The following E2F5 variants were observed in gnomAD, a reference collection of about 807,000 sequenced individuals.
E2F5 encodes the protein E2F transcription factor 5.
A neutral mutation model predicts 39.1 loss-of-function variants in E2F5; 23 were observed. That is an observed-to-expected ratio of 0.59 (90% CI 0.42 to 0.83). The LOEUF is 0.83. Ranked by LOEUF, E2F5 falls within the 40% of genes least tolerant of loss-of-function variation. The pLI is 0.00. For synonymous variants in E2F5, 145 were observed against 157.8 expected (o/e 0.92, Z 0.61); for missense variants, 365 against 406.7 (o/e 0.90, Z 0.88).
At chr8:85,207,136 C>T (rs906343211) in intron 4 of E2F5, among the ~76,000 whole-genome samples, 1 of 152,212 alleles carries the variant, frequency 6.6e-6, no homozygotes, top group Admixed American at 6.5e-5. Flanking sequence ...GAATCTCAGA[C>T]TTTACAGGAG....
At chr8:85,207,795 A>T (rs896574713) in intron 5 of E2F5, among the ~76,000 whole-genome samples, 3 of 152,230 alleles carry the variant, frequency 2.0e-5, no homozygotes, top group Non-Finnish European at 2.9e-5. Flanking sequence ...TTTGTTTCAT[A>T]CAAAAATTAA....
At chr8:85,181,871 G>T (rs1240985265) in intron 1 of E2F5, among the ~76,000 whole-genome samples, 1 of 151,390 alleles carries the variant, frequency 6.6e-6, no homozygotes, top group Non-Finnish European at 1.5e-5. Context: ...TGAAGCAGGA[G>T]AATCGCTTGA....
At chr8:85,212,231 C>T in intron 7 of E2F5, 27 bp downstream of exon 7, 1 of 1,515,106 alleles carries the variant, frequency 6.6e-7, no homozygotes, top group Non-Finnish European at 9.1e-7. Context: ...TTTACTAACT[C>T]ACTTATCAGT....
chr8:85,190,259 C>T (rs1812431656), intron 1 of E2F5, among the ~76,000 whole-genome samples: 1 of 152,088 alleles, frequency 6.6e-6, no homozygotes, highest in Non-Finnish European at 1.5e-5. Context: ...CACACACACA[C>T]ACCCCACCAC....
intron 3 of E2F5, among the ~76,000 whole-genome samples, chr8:85,204,156 C>T (rs918953037): frequency 3.3e-5 from 5 of 152,088 alleles, no homozygotes; most frequent in African/African-American, 1.2e-4. Context: ...AAGCTGTGTT[C>T]TGTGGAGCTC....
chr8:85,201,962 G>T, intron 1 of E2F5, 185 bp from the exon 2 acceptor site: 1 of 577,114 alleles, frequency 1.7e-6, no homozygotes, highest in Non-Finnish European at 3.0e-6. Flanking sequence ...GCTTTTAAAT[G>T]GAATAATTTC....
chr8:85,182,977 C>T (rs1812251707), intron 1 of E2F5, among the ~76,000 whole-genome samples: 1 of 152,168 alleles, frequency 6.6e-6, no homozygotes, highest in Admixed American at 6.5e-5. Flanking sequence ...TTTGGCCGGG[C>T]CCGGTGGTTC....
chr8:85,187,981 A>G (rs1812377109), intron 1 of E2F5, among the ~76,000 whole-genome samples: 1 of 152,202 alleles, frequency 6.6e-6, no homozygotes. Context: ...ACAAAAAAAT[A>G]TCTTACAATG....
chr8:85,208,362 A>T (rs2129748412), intron 5 of E2F5, among the ~76,000 whole-genome samples: 1 of 152,322 alleles, frequency 6.6e-6, no homozygotes, highest in Non-Finnish European at 1.5e-5. Flanking sequence ...TCTACAATTG[A>T]TATAAAAATT....
Position 85,206,185 on chromosome 8 carries a change from A to G in E2F5, c.515A>G (p.Tyr172Cys). The G allele has an allele frequency of 1.2e-6, 2 of 1,613,156 alleles. No homozygotes were observed. The highest frequency in any genetic ancestry group is 8.5e-7 in the Non-Finnish European group (1 of 1,179,558). The change falls in exon 4 of 8, where the codon TAT (tyrosine) becomes TGT (cysteine). Residue 172 changes from tyrosine (Y) to cysteine (C), a missense_variant. Transcript: ENST00000416274. The part of the protein sequence containing the change: ...MDDSINNRFS[Y>C]VTHEDICNCF... ...AACTCCTATGACAGTACATTTTCCTATGTAACTCATGAAGACATCTGTAAT... is the reference window on the plus strand; with the variant it reads ...AACTCCTATGACAGTACATTTTCCTGTGTAACTCATGAAGACATCTGTAAT...
rs564512323 is a variant in E2F5, at chr8:85,191,979, G to T, written c.235-10168G>T. On this transcript the variant is annotated intron_variant, in intron 1 of 7. Coordinates refer to ENST00000416274, the MANE Select transcript of E2F5 (RefSeq NM_001951.4). ...AGAGGCTATAAATCAGATGACTGTT[G>T]TGTGAAGAGAATATTGGATTGCAAG... Among the ~76,000 whole-genome samples the T allele has an allele frequency of 2.6e-5, 4 of 152,248 alleles. No individual in the cohort carries two copies. The East Asian group carries it at 7.7e-4, about 29-fold the overall frequency.
intron 6 of E2F5, among the ~76,000 whole-genome samples, chr8:85,211,640 G>GTTTTTT (rs1563984332): frequency 4.9e-5 from 4 of 81,056 alleles, no homozygotes; most frequent in African/African-American, 2.5e-4. Flanking sequence ...GAGGTTTGTT[G>GTTTTTT]TTGTTTTTTT....
Position 85,177,363 on chromosome 8 carries a change from G to A in E2F5, c.-58G>A. ...CGGAGCCGACCCGGCAGGTGGCCGCGGGCGGGGCCGGCGAGCGAAAGTGCG... is the reference window on the plus strand; with the variant it reads ...CGGAGCCGACCCGGCAGGTGGCCGCAGGCGGGGCCGGCGAGCGAAAGTGCG... On this transcript the variant is annotated 5_prime_UTR_variant, in exon 1 of 8. Coordinates refer to ENST00000416274, the MANE Select transcript of E2F5 (RefSeq NM_001951.4). The A allele has an allele frequency of 1.0e-6, 1 of 984,948 alleles. No homozygotes were observed. Among genetic ancestry groups the A allele is most frequent in the Non-Finnish European group, 1.2e-6 (1 of 829,806 alleles). The allele number at this position is 984,948 out of a possible 1,614,324, so 61.0% of individuals were successfully genotyped here. A position where few individuals can be genotyped will look rare whatever the true frequency, so the allele number is the denominator to read the frequency against.
chr8:85,186,478 A>C (rs528615152), intron 1 of E2F5, among the ~76,000 whole-genome samples: 2 of 151,792 alleles, frequency 1.3e-5, no homozygotes, highest in East Asian at 1.9e-4. Context: ...CACGTTCTGC[A>C]CATGTACCCC....
chr8:85,184,978 C>T lies in E2F5; in HGVS notation c.234+7324C>T, dbSNP rs970979656. Reference sequence around the variant, plus strand: ...ATTCAATGCTATCCCTATCAAGCTACCAATGACTTTCTTCACAGAATTGGA... The same window carrying T: ...ATTCAATGCTATCCCTATCAAGCTATCAATGACTTTCTTCACAGAATTGGA... On this transcript the variant is annotated intron_variant, in intron 1 of 7. Transcript: ENST00000416274. Among the ~76,000 whole-genome samples, 6 of 152,284 alleles carry T rather than the reference C, an allele frequency of 3.9e-5. No homozygotes were observed. The East Asian group carries it at 5.8e-4, about 15-fold the overall frequency.
chr8:85,206,118 CTTAAT>C, intron 3 of E2F5, 54 bp from the exon 4 acceptor site: 1 of 1,531,198 alleles, frequency 6.5e-7, no homozygotes, highest in African/African-American at 1.4e-5. Flanking sequence ...GATGTATTAC[CTTAAT>C]TTAAATGCCT....
At chr8:85,204,949 G>A (rs766997314) in intron 3 of E2F5, among the ~76,000 whole-genome samples, 3 of 152,204 alleles carry the variant, frequency 2.0e-5, no homozygotes, top group Non-Finnish European at 4.4e-5. Flanking sequence ...ACTTTGGGAA[G>A]CCAAGGTTGG....
At chr8:85,208,235 G>A (rs1439132937) in intron 5 of E2F5, among the ~76,000 whole-genome samples, 1 of 152,200 alleles carries the variant, frequency 6.6e-6, no homozygotes, top group Non-Finnish European at 1.5e-5. Context: ...GGCTGAGGCA[G>A]CAGAATTGCT....
intron 1 of E2F5, among the ~76,000 whole-genome samples, chr8:85,186,998 C>T (rs1257409325): frequency 6.7e-6 from 1 of 150,272 alleles, no homozygotes; most frequent in African/African-American, 2.4e-5. Context: ...TTGCTGTATT[C>T]CATAGATTTT....
Sources: allele counts gnomAD v4.1 joint callset (sites outside exome capture counted in the v4.1 genomes callset), GRCh38; gene constraint gnomAD v4.1.1; transcripts MANE v1.5; gene names NCBI Gene and HGNC (gene_info 2026-07-23, HGNC 2026-07-21).